Variants in GABARAPL2 observed in about 807,000 individuals in gnomAD.
The protein encoded by GABARAPL2 is GABA type A receptor associated protein like 2.
A neutral mutation model predicts 16.9 loss-of-function variants in GABARAPL2; 11 were observed. The observed-to-expected ratio is 0.65, with a 90% CI of 0.41 to 1.08. GABARAPL2 has a LOEUF of 1.08. Among genes scored for constraint, GABARAPL2 ranks in the 50% least tolerant of loss-of-function variants. The pLI is 0.00. For missense variants in GABARAPL2, 134 were observed against 142.5 expected, an observed-to-expected ratio of 0.94 and a Z score of 0.30; for synonymous variants, 57 against 50.7, an observed-to-expected ratio of 1.12 and a Z score of -0.53.
At chr16:75,576,318 C>G (rs937603538) in intron 3 of GABARAPL2, 5 of 152,230 alleles carry the variant, frequency 3.3e-5, no homozygotes, top group Admixed American at 6.5e-5. Flanking sequence ...CATGGAGGTT[C>G]CACTCAGCCC....
At chr16:75,570,025 G>C (rs1290284566) in intron 3 of GABARAPL2, among the ~76,000 whole-genome samples, 2 of 152,156 alleles carry the variant, frequency 1.3e-5, no homozygotes, top group Non-Finnish European at 2.9e-5. Context: ...CAGGCTGTCA[G>C]CTCTTTGGCC....
intron 3 of GABARAPL2, among the ~76,000 whole-genome samples, chr16:75,573,157 C>A (rs539604978): frequency 6.6e-6 from 1 of 152,220 alleles, no homozygotes; most frequent in South Asian, 2.1e-4. Context: ...TGGAATGTGT[C>A]CCAAACTGAC....
At chr16:75,577,090 T>C (rs1472923048) in intron 3 of GABARAPL2, 189 bp from the exon 4 acceptor site, 13 of 520,140 alleles carry the variant, frequency 2.5e-5, no homozygotes, top group Non-Finnish European at 4.1e-5. Context: ...GTCAAATGGC[T>C]TTGCCTTCTG....
chr16:75,577,435 G>C lies in GABARAPL2; in HGVS notation c.*66G>C, dbSNP rs2080956721. On this transcript the variant is annotated 3_prime_UTR_variant, in exon 4 of 4. Transcript: ENST00000037243. ...TCTTGTAAATAGCCAGCCATTTTCA[G>C]TTATTATACCAGAACCTCTTCACAT... is the stretch of plus-strand genomic sequence containing the variant. The C allele has an allele frequency of 4.4e-6, 4 of 915,622 alleles. No homozygotes were observed. Among genetic ancestry groups the C allele is most frequent in the Non-Finnish European group, 7.4e-6 (4 of 542,616 alleles). 56.7% of individuals were successfully genotyped at this position (915,622 alleles called of 1,614,324 possible).
intron 2 of GABARAPL2, among the ~76,000 whole-genome samples, chr16:75,567,610 G>C (rs2080891775): frequency 6.6e-6 from 1 of 152,156 alleles, no homozygotes. Context: ...TTCTTGGCTG[G>C]CTAAAATTCC....
At chr16:75,576,265 T>G (rs1269060935) in intron 3 of GABARAPL2, 1 of 152,148 alleles carries the variant, frequency 6.6e-6, no homozygotes, top group African/African-American at 2.4e-5. Context: ...GGAAAAAAAC[T>G]CAAAACCTCC....
At chr16:75,570,027 T>A (rs6564267) in intron 3 of GABARAPL2, among the ~76,000 whole-genome samples, 3 of 151,918 alleles carry the variant, frequency 2.0e-5, no homozygotes, top group African/African-American at 7.3e-5. Flanking sequence ...GGCTGTCAGC[T>A]CTTTGGCCCC....
intron 3 of GABARAPL2, among the ~76,000 whole-genome samples, chr16:75,575,243 T>G (rs979754701): frequency 5.3e-5 from 8 of 152,050 alleles, no homozygotes; most frequent in Non-Finnish European, 1.2e-4. Context: ...AAGCCACATA[T>G]GTAATTTAAG....
At chr16:75,573,682 G>A (rs185516286) in intron 3 of GABARAPL2, among the ~76,000 whole-genome samples, 3 of 152,318 alleles carry the variant, frequency 2.0e-5, no homozygotes, top group Admixed American at 1.3e-4. Flanking sequence ...TTGATGTTCC[G>A]ATGGTTGGTA....
rs2080956736 is a variant in GABARAPL2 at position 75,577,436 on chromosome 16, T to A, written c.*67T>A. 1 of 907,236 alleles carries A rather than the reference T, an allele frequency of 1.1e-6. No homozygotes were observed. The highest frequency in any genetic ancestry group is 1.9e-6 in the Non-Finnish European group (1 of 535,198). 56.2% of individuals were successfully genotyped at this position (907,236 alleles called of 1,614,324 possible). Reference sequence around the variant, plus strand: ...CTTGTAAATAGCCAGCCATTTTCAGTTATTATACCAGAACCTCTTCACATA... The same window carrying A: ...CTTGTAAATAGCCAGCCATTTTCAGATATTATACCAGAACCTCTTCACATA... On this transcript the variant is annotated 3_prime_UTR_variant, in exon 4 of 4. Coordinates refer to ENST00000037243, the MANE Select transcript of GABARAPL2 (RefSeq NM_007285.7).
chr16:75,568,516 T>C (rs1018834761), intron 3 of GABARAPL2: 2 of 195,354 alleles, frequency 1.0e-5, no homozygotes, highest in Non-Finnish European at 2.1e-5. Flanking sequence ...AACTGAGGCC[T>C]GAAATGAGGT....
chr16:75,577,287 T>C lies in GABARAPL2; in HGVS notation c.272T>C (p.Met91Thr), dbSNP rs2151720908. ...TGTTTTTCTCTTTCAAGCCTAACTA[T>C]GGGACAGCTTTACGAGAAGGAAAAA... ...DKTVPQSSLT[M>T]GQLYEKEKDE... is the part of the protein sequence containing the mutation. Residue 91 changes from methionine to threonine, a missense_variant, in exon 4 of 4, where the codon ATG becomes ACG. Met to Thr is a moderately conservative substitution (Grantham distance 81). Transcript: ENST00000037243. 1.2e-6 allele frequency: 2 copies of C among 1,604,810 alleles called. No individual in the cohort carries two copies. The highest frequency in any genetic ancestry group is 8.5e-7 in the Non-Finnish European group (1 of 1,171,500).
chr16:75,571,619 G>A (rs992004181), intron 3 of GABARAPL2, among the ~76,000 whole-genome samples: 12 of 151,448 alleles, frequency 7.9e-5, no homozygotes, highest in African/African-American at 2.7e-4. Flanking sequence ...ATTTAGAAAT[G>A]TGCTTAAAGC....
At chr16:75,566,616 G>A in intron 1 of GABARAPL2, 96 bp downstream of exon 1, 2 of 1,373,014 alleles carry the variant, frequency 1.5e-6, no homozygotes, top group African/African-American at 1.4e-5. Flanking sequence ...GGAGCGGGGC[G>A]GATGCCCTGC....
intron 3 of GABARAPL2, among the ~76,000 whole-genome samples, chr16:75,571,634 T>A (rs377083818): frequency 6.6e-6 from 1 of 152,076 alleles, no homozygotes; most frequent in Non-Finnish European, 1.5e-5. Flanking sequence ...TAAAGCACTT[T>A]GATCATTTCT....
intron 3 of GABARAPL2, chr16:75,572,715 A>C (rs1240483561): frequency 6.6e-6 from 1 of 152,164 alleles, no homozygotes; most frequent in African/African-American, 2.4e-5. Context: ...TTCACATAGT[A>C]CTTCAGGGTC....
rs1268969910 is a variant in GABARAPL2, at chr16:75,577,800, C to A, written c.*431C>A. 2 of 160,100 alleles carry A rather than the reference C, an allele frequency of 1.2e-5. No homozygotes were observed. Among genetic ancestry groups the A allele is most frequent in the Non-Finnish European group, 2.8e-5 (2 of 72,420 alleles). The allele number at this position is 160,100 out of a possible 1,614,324, so 9.9% of individuals were successfully genotyped here. On this transcript the variant is annotated 3_prime_UTR_variant, in exon 4 of 4. Transcript: ENST00000037243. Reference sequence around the variant, plus strand: ...TCACTAGAATATGCCAACTGCCAATCATGTTGGACTGAGCTAATTTGTTCC... The same window carrying A: ...TCACTAGAATATGCCAACTGCCAATAATGTTGGACTGAGCTAATTTGTTCC...
At position 75,577,644 on chromosome 16, in the gene GABARAPL2, TC is replaced by T. The variant is rs2151721093; in HGVS notation, c.*276del. On this transcript the variant is annotated 3_prime_UTR_variant, in exon 4 of 4. Coordinates refer to ENST00000037243, the MANE Select transcript of GABARAPL2 (RefSeq NM_007285.7). ...AATCATATTGAATGATATTTCTATATCGAAGTGAGGTAGGTGCGGTATTAAA... is the reference window on the plus strand; with the variant it reads ...AATCATATTGAATGATATTTCTATATGAAGTGAGGTAGGTGCGGTATTAAA... The T allele has an allele frequency of 3.1e-6, 1 of 320,302 alleles. No homozygotes were observed. Among genetic ancestry groups the T allele is most frequent in the Admixed American group, 4.4e-5 (1 of 22,618 alleles). 19.8% of individuals were successfully genotyped at this position (320,302 alleles called of 1,614,324 possible).
intron 3 of GABARAPL2, chr16:75,572,241 C>G (rs2080919578): frequency 1.3e-5 from 2 of 152,238 alleles, no homozygotes; most frequent in Admixed American, 6.5e-5. Context: ...TATTAACTTT[C>G]ACTGTGAAGC....
Sources: allele counts gnomAD v4.1 joint callset (sites outside exome capture counted in the v4.1 genomes callset), GRCh38; gene constraint gnomAD v4.1.1; transcripts MANE v1.5; gene names NCBI Gene and HGNC (gene_info 2026-07-23, HGNC 2026-07-21).